PPARA: variants seen among roughly 807,000 people sequenced by gnomAD.
The protein encoded by PPARA is peroxisome proliferator-activated receptor alpha.
A neutral mutation model predicts 42.2 loss-of-function variants in PPARA; 22 were observed. The observed-to-expected ratio is 0.52, with a 90% CI of 0.37 to 0.74. PPARA has a LOEUF of 0.74. Ranked by LOEUF, PPARA falls within the 30% of genes least tolerant of loss-of-function variation. The pLI is 0.00. For missense variants in PPARA, 465 were observed against 608.2 expected, an observed-to-expected ratio of 0.76 and a Z score of 2.48; for synonymous variants, 242 against 239.3, an observed-to-expected ratio of 1.01 and a Z score of -0.10.
chr22:46,218,546 A>G, intron 6 of PPARA, 145 bp downstream of exon 6: 1 of 1,418,220 alleles, frequency 7.1e-7, no homozygotes, highest in South Asian at 1.2e-5. Flanking sequence ...TAAGAAAATA[A>G]AAGTCGCCCA....
intron 2 of PPARA, among the ~76,000 whole-genome samples, chr22:46,175,386 G>C (rs1928871732): frequency 6.6e-6 from 1 of 152,038 alleles, no homozygotes; most frequent in Non-Finnish European, 1.5e-5. Flanking sequence ...AATTTTGCCA[G>C]TCATTAATCT....
At chr22:46,166,230 C>T (rs1927030337) in intron 2 of PPARA, among the ~76,000 whole-genome samples, 1 of 152,182 alleles carries the variant, frequency 6.6e-6, no homozygotes, top group African/African-American at 2.4e-5. Flanking sequence ...GGTCCCTGAG[C>T]ATCTGTCGGT....
Position 46,193,079 on chromosome 22 carries a change from T to C in PPARA, c.-42-5263T>C, listed in dbSNP as rs1931779605. Reference sequence around the variant, plus strand: ...TTTTTTGTTGTTTTGTTGTTGTTGTTGTTTTGAGACAGAGTCTCACTCTGT... The same window carrying C: ...TTTTTTGTTGTTTTGTTGTTGTTGTCGTTTTGAGACAGAGTCTCACTCTGT... On this transcript the variant is annotated intron_variant, in intron 3 of 8. Transcript: ENST00000407236. This position sits in a 1 kb window ranked among gnomAD's most constrained non-coding sequence, Gnocchi z 5.3. 6.6e-6 allele frequency among the ~76,000 whole-genome samples: 1 copy of C among 152,134 alleles called. No individual in the cohort carries two copies. Among genetic ancestry groups the C allele is most frequent in the Non-Finnish European group, 1.5e-5 (1 of 68,028 alleles).
At chr22:46,170,458 A>C in intron 2 of PPARA, among the ~76,000 whole-genome samples, 1 of 126,898 alleles carries the variant, frequency 7.9e-6, no homozygotes, top group South Asian at 2.4e-4. Flanking sequence ...CATATCACCC[A>C]GGCTGGTCTC....
rs1927258990 is a variant in PPARA at position 46,167,537 on chromosome 22, C to T, written c.-126-9216C>T. Among the ~76,000 whole-genome samples the T allele has an allele frequency of 6.6e-6, 1 of 152,002 alleles. No individual in the cohort carries two copies. The highest frequency in any genetic ancestry group is 2.1e-4 in the South Asian group (1 of 4,814). On this transcript the variant is annotated intron_variant, in intron 2 of 8. Coordinates refer to ENST00000407236, the MANE Select transcript of PPARA (RefSeq NM_005036.6). The surrounding 1 kb of genome is among the most constrained non-coding windows in gnomAD (Gnocchi z 4.1). The stretch of plus-strand genomic sequence containing the variant: ...GCATGATGACACTCACCTGTAGTCC[C>T]AGCTGCACAGTAGTCTGAGGTGGGA...
Position 46,161,566 on chromosome 22 carries a change from C to T in PPARA, c.-127+9596C>T, listed in dbSNP as rs1054841851. ...GTGCCACTGCACTCCAGCCTGGCAA[C>T]AGCGAGACTCCATCTCAAAAATAAT... On this transcript the variant is annotated intron_variant, in intron 2 of 8. Transcript: ENST00000407236. The surrounding 1 kb of genome is among the most constrained non-coding windows in gnomAD (Gnocchi z 4.8). 2.6e-5 allele frequency among the ~76,000 whole-genome samples: 4 copies of T among 152,036 alleles called. No individual in the cohort carries two copies. The highest frequency in any genetic ancestry group is 5.9e-5 in the Non-Finnish European group (4 of 68,000).
Position 46,191,818 on chromosome 22 carries a change from A to T in PPARA, c.-42-6524A>T, listed in dbSNP as rs1391631242. On this transcript the variant is annotated intron_variant, in intron 3 of 8. Transcript: ENST00000407236. This position sits in a 1 kb window ranked among gnomAD's most constrained non-coding sequence, Gnocchi z 4.6. ...CGCGGTGGCTCATGCCTGTAATCCCAGCACTTTGGGAGGCTGAGGCGGGCA... is the reference window on the plus strand; with the variant it reads ...CGCGGTGGCTCATGCCTGTAATCCCTGCACTTTGGGAGGCTGAGGCGGGCA... Among the ~76,000 whole-genome samples the T allele has an allele frequency of 6.6e-6, 1 of 152,216 alleles. No individual in the cohort carries two copies. Among genetic ancestry groups the T allele is most frequent in the East Asian group, 1.9e-4 (1 of 5,196 alleles).
chr22:46,156,617 T>G lies in PPARA; in HGVS notation c.-127+4647T>G, dbSNP rs1210068995. 6.6e-6 allele frequency: 1 copy of G among 152,202 alleles called. No individual in the cohort carries two copies. The highest frequency in any genetic ancestry group is 2.4e-5 in the African/African-American group (1 of 41,446). The allele number at this position is 152,202 out of a possible 1,614,324, so 9.4% of individuals were successfully genotyped here. ...TGGTTCCTATGTGTTTGTTTTTGTT[T>G]TTGAGACAGAGTCTCACTCTGTCAC... On this transcript the variant is annotated intron_variant, in intron 2 of 8. Transcript: ENST00000407236. The surrounding 1 kb of genome is among the most constrained non-coding windows in gnomAD (Gnocchi z 5.2).
chr22:46,153,331 G>A (rs970128137), intron 2 of PPARA, among the ~76,000 whole-genome samples: 16 of 151,448 alleles, frequency 1.1e-4, no homozygotes, highest in African/African-American at 2.7e-4. Flanking sequence ...CACCACACCC[G>A]GCTAATTTTT....
At position 46,190,125 on chromosome 22, in the gene PPARA, T is replaced by C. The variant is rs1445105699; in HGVS notation, c.-42-8217T>C. ...AGCCCAACAAATTGAGCGAAAAGAC[T>C]TCTAGATGTTAAATATGATATTCAA... On this transcript the variant is annotated intron_variant, in intron 3 of 8. Coordinates refer to ENST00000407236, the MANE Select transcript of PPARA (RefSeq NM_005036.6). The surrounding 1 kb of genome is among the most constrained non-coding windows in gnomAD (Gnocchi z 5.6). 1.3e-5 allele frequency among the ~76,000 whole-genome samples: 2 copies of C among 152,344 alleles called. No individual in the cohort carries two copies. Among genetic ancestry groups the C allele is most frequent in the Admixed American group, 1.3e-4 (2 of 15,302 alleles).
In PPARA at chr22:46,161,375, G is replaced by A. The variant is rs796532953; in HGVS notation, c.-127+9405G>A. Among the ~76,000 whole-genome samples the A allele has an allele frequency of 9.2e-5, 14 of 152,248 alleles. No homozygotes were observed. The highest frequency in any genetic ancestry group is 2.2e-4 in the African/African-American group (9 of 41,560). ...ATTAGAATTCAGGTGAGTGGATCAC[G>A]AGGTCAAGAGATCGAGACCAGCCTG... On this transcript the variant is annotated intron_variant, in intron 2 of 8. Coordinates refer to ENST00000407236, the MANE Select transcript of PPARA (RefSeq NM_005036.6). This position sits in a 1 kb window ranked among gnomAD's most constrained non-coding sequence, Gnocchi z 4.8.
chr22:46,181,394 TA>T (rs1929942176), intron 3 of PPARA, among the ~76,000 whole-genome samples: 1 of 151,922 alleles, frequency 6.6e-6, no homozygotes, highest in African/African-American at 2.4e-5. Flanking sequence ...GTGGCAGGAA[TA>T]AGGTACTCTC....
chr22:46,201,848 A>G (rs182853802), intron 4 of PPARA, among the ~76,000 whole-genome samples: 1 of 152,190 alleles, frequency 6.6e-6, no homozygotes, highest in East Asian at 1.9e-4. Context: ...TATAATGACT[A>G]TTTGTGCTAT....
intron 2 of PPARA, chr22:46,155,014 A>C (rs1402321215): frequency 1.3e-4 from 19 of 147,434 alleles, no homozygotes; most frequent in Non-Finnish European, 2.2e-4. Flanking sequence ...AAAAAAAAAA[A>C]AAAAAAAAAA....
chr22:46,200,373 C>T lies in PPARA; in HGVS notation c.208+1782C>T, dbSNP rs533213316. 3.3e-4 allele frequency among the ~76,000 whole-genome samples: 50 copies of T among 152,236 alleles called. No homozygotes were observed. Among genetic ancestry groups the T allele is most frequent in the Non-Finnish European group, 1.6e-4 (11 of 68,040 alleles). ...GAGCCTGCTGCACACCGAGGCTCTG[C>T]GGTGCAGCCTGTTGCTCCAAGGCAC... On this transcript the variant is annotated intron_variant, in intron 4 of 8. Coordinates refer to ENST00000407236, the MANE Select transcript of PPARA (RefSeq NM_005036.6). The surrounding 1 kb of genome is among the most constrained non-coding windows in gnomAD (Gnocchi z 4.8).
Position 46,235,016 on chromosome 22 carries a change from A to G in PPARA, c.1160-117A>G. Reference sequence around the variant, plus strand: ...AGTCAAGTTGACAATATCTAAAGGCAGCTCAGTTTTTTTCTAAGAAAGGCC... The same window carrying G: ...AGTCAAGTTGACAATATCTAAAGGCGGCTCAGTTTTTTTCTAAGAAAGGCC... On this transcript the variant is annotated intron_variant, in intron 8 of 8. Transcript: ENST00000407236. The surrounding 1 kb of genome is among the most constrained non-coding windows in gnomAD (Gnocchi z 7.0). 7.1e-7 allele frequency: 1 copy of G among 1,401,314 alleles called. No homozygotes were observed. Among genetic ancestry groups the G allele is most frequent in the Admixed American group, 1.7e-5 (1 of 58,272 alleles). The allele number at this position is 1,401,314 out of a possible 1,614,324, so 86.8% of individuals were successfully genotyped here.
At chr22:46,154,876 G>C (rs544968750) in intron 2 of PPARA, 6 of 149,906 alleles carry the variant, frequency 4.0e-5, no homozygotes, top group African/African-American at 7.3e-5. Flanking sequence ...GTCTTGCTAT[G>C]TTGTTCAGAC....
At position 46,161,434 on chromosome 22, in the gene PPARA, T is replaced by C. The variant is rs1926150577; in HGVS notation, c.-127+9464T>C. Among the ~76,000 whole-genome samples the C allele has an allele frequency of 6.6e-6, 1 of 151,844 alleles. No homozygotes were observed. Among genetic ancestry groups the C allele is most frequent in the Admixed American group, 6.6e-5 (1 of 15,252 alleles). ...GGTGAAACCCCGTCTCTACTAAAAA[T>C]ACAAAATTTAGCTGGGCATGGTATG... On this transcript the variant is annotated intron_variant, in intron 2 of 8. Coordinates refer to ENST00000407236, the MANE Select transcript of PPARA (RefSeq NM_005036.6). This position sits in a 1 kb window ranked among gnomAD's most constrained non-coding sequence, Gnocchi z 4.8.
At chr22:46,198,312 G>A in intron 3 of PPARA, 30 bp from the exon 4 acceptor site, 2 of 1,227,826 alleles carry the variant, frequency 1.6e-6, no homozygotes, top group Non-Finnish European at 2.4e-6. Context: ...TTATACGTCA[G>A]TCTTACCAAT....
Sources: allele counts gnomAD v4.1 joint callset (sites outside exome capture counted in the v4.1 genomes callset), GRCh38; gene constraint gnomAD v4.1.1; non-coding constraint Gnocchi (gnomAD v3.1); transcripts MANE v1.5; gene names NCBI Gene and HGNC (gene_info 2026-07-23, HGNC 2026-07-21).